The following MYO18B variants were observed in gnomAD, a reference collection of about 807,000 sequenced individuals.
MYO18B encodes the protein unconventional myosin-XVIIIb.
A neutral mutation model predicts 273.0 loss-of-function variants in MYO18B; 204 were observed. That is an observed-to-expected ratio of 0.75 (90% CI 0.67 to 0.84). MYO18B has a LOEUF of 0.84. Ranked by LOEUF, MYO18B falls within the 40% of genes least tolerant of loss-of-function variation. The pLI is 0.00. For missense variants in MYO18B, 3,212 were observed against 3,287.6 expected, an observed-to-expected ratio of 0.98 and a Z score of 0.56; for synonymous variants, 1,330 against 1,305.7, an observed-to-expected ratio of 1.02 and a Z score of -0.40.
chr22:25,984,803 GA>G (rs59242717), intron 39 of MYO18B, among the ~76,000 whole-genome samples: 203 of 143,688 alleles, frequency 1.4e-3, no homozygotes, highest in African/African-American at 2.9e-3. Context: ...CCATCTCTAA[GA>G]AAAAAAAAAA....
rs78831979 is a variant in MYO18B, at chr22:25,773,397, G to A, written c.1869+887G>A. Among the ~76,000 whole-genome samples the A allele has an allele frequency of 9.4e-3, 1,435 of 152,266 alleles. 27 individuals are homozygous for A. Among genetic ancestry groups the A allele is most frequent in the African/African-American group, 0.032 (1,349 of 41,566 alleles). On this transcript the variant is annotated intron_variant, in intron 7 of 43. Coordinates refer to ENST00000335473, the MANE Select transcript of MYO18B (RefSeq NM_032608.7). ...GGTTGGGAAAAACCAGGACAGAGCC[G>A]TGTCAGTTCTCAGGGTGATGATTCT...
intron 17 of MYO18B, among the ~76,000 whole-genome samples, chr22:25,840,351 T>C (rs975427819): frequency 5.9e-5 from 9 of 152,266 alleles, no homozygotes; most frequent in Non-Finnish European, 1.0e-4. Context: ...GGAGGGCCCT[T>C]CCGCCACATT....
intron 23 of MYO18B, 144 bp from the exon 24 acceptor site, chr22:25,876,038 GTGTGTGT>G: frequency 1.8e-6 from 1 of 555,526 alleles, no homozygotes; most frequent in East Asian, 3.2e-5. Context: ...GTGTGTGTGT[GTGTGTGT>G]ATGTGTTTTA....
chr22:26,024,365 G>A (rs894229038), intron 42 of MYO18B, among the ~76,000 whole-genome samples: 23 of 152,230 alleles, frequency 1.5e-4, no homozygotes, highest in African/African-American at 5.1e-4. Context: ...AGTAGAAGGA[G>A]TACTCCGGGT....
intron 8 of MYO18B, among the ~76,000 whole-genome samples, chr22:25,778,018 A>G (rs1569004449): frequency 6.6e-6 from 1 of 152,190 alleles, no homozygotes; most frequent in Non-Finnish European, 1.5e-5. Context: ...AACAATCATC[A>G]TACATGGACA....
At chr22:26,036,157 T>C in the MYO18B span, among the ~76,000 whole-genome samples, 36 of 152,318 alleles carry the variant, frequency 2.4e-4, 1 homozygote, top group South Asian at 7.1e-3. Flanking sequence ...TGGTTGTGAT[T>C]AATGGCCTGG....
At chr22:25,836,188 A>G (rs991076130) in intron 17 of MYO18B, among the ~76,000 whole-genome samples, 2 of 152,208 alleles carry the variant, frequency 1.3e-5, no homozygotes, top group Admixed American at 1.3e-4. Flanking sequence ...TTTGGTATCC[A>G]TGGGCTCCAA....
chr22:25,850,299 C>T (rs1286971525), intron 20 of MYO18B, among the ~76,000 whole-genome samples: 1 of 152,106 alleles, frequency 6.6e-6, no homozygotes, highest in Non-Finnish European at 1.5e-5. Context: ...AGAGTCTAAA[C>T]CTCGAGACCT....
intron 20 of MYO18B, among the ~76,000 whole-genome samples, chr22:25,848,048 T>A (rs2090312675): frequency 6.6e-6 from 1 of 152,132 alleles, no homozygotes; most frequent in South Asian, 2.1e-4. Flanking sequence ...TGGCTGCACC[T>A]GTTGAAAAAG....
chr22:26,015,752 A>C (rs1935271352), intron 42 of MYO18B, among the ~76,000 whole-genome samples: 1 of 152,208 alleles, frequency 6.6e-6, no homozygotes, highest in Non-Finnish European at 1.5e-5. Context: ...AACCCCTGTG[A>C]CATGAGTTTA....
At chr22:25,872,756 C>A (rs1160421383) in intron 22 of MYO18B, among the ~76,000 whole-genome samples, 1 of 152,136 alleles carries the variant, frequency 6.6e-6, no homozygotes. Flanking sequence ...GTTTTCCCTG[C>A]ATGTCGAGTG....
At chr22:26,051,939 G>T in the MYO18B span, among the ~76,000 whole-genome samples, 2 of 152,198 alleles carry the variant, frequency 1.3e-5, no homozygotes, top group Non-Finnish European at 2.9e-5. Flanking sequence ...ATATGCCATT[G>T]CATGAATATA....
chr22:25,861,550 G>T (rs920915268), intron 21 of MYO18B, among the ~76,000 whole-genome samples: 1 of 152,118 alleles, frequency 6.6e-6, no homozygotes, highest in South Asian at 2.1e-4. Context: ...GTATCTAACT[G>T]CATCTCTTAC....
chr22:25,803,669 A>T (rs1019742651), intron 12 of MYO18B, among the ~76,000 whole-genome samples: 1 of 152,146 alleles, frequency 6.6e-6, no homozygotes, highest in Non-Finnish European at 1.5e-5. Context: ...CACTTCCCGT[A>T]TCTAAGCCTC....
intron 17 of MYO18B, among the ~76,000 whole-genome samples, chr22:25,838,113 G>T (rs6519629): frequency 0.83 from 125,533 of 151,430 alleles, 52,258 homozygotes; most frequent in East Asian, 1. Context: ...TTAGGCCAAG[G>T]GCAATTCTTT....
intron 34 of MYO18B, among the ~76,000 whole-genome samples, chr22:25,931,083 C>G (rs2092492620): frequency 6.6e-6 from 1 of 152,110 alleles, no homozygotes. Context: ...ACATTTTTCC[C>G]CAGCCAGGAA....
intron 7 of MYO18B, among the ~76,000 whole-genome samples, chr22:25,773,593 A>G (rs1413727297): frequency 6.6e-6 from 1 of 152,044 alleles, no homozygotes; most frequent in African/African-American, 2.4e-5. Flanking sequence ...CCCCCCGAGT[A>G]GCTGGGACTA....
chr22:25,789,027 TCTTCTTTCTTC>T (rs998395895), intron 11 of MYO18B, among the ~76,000 whole-genome samples: 2 of 151,884 alleles, frequency 1.3e-5, no homozygotes, highest in African/African-American at 4.8e-5. Flanking sequence ...CCCTTCTTCT[TCTTCTTTCTTC>T]CTTCTTTCTT....
intron 12 of MYO18B, among the ~76,000 whole-genome samples, chr22:25,815,721 C>T (rs1476470368): frequency 1.3e-5 from 2 of 152,162 alleles, no homozygotes; most frequent in Non-Finnish European, 2.9e-5. Flanking sequence ...AGGCTCCCTT[C>T]CTCTTGTAAA....
Sources: allele counts gnomAD v4.1 joint callset (sites outside exome capture counted in the v4.1 genomes callset), GRCh38; gene constraint gnomAD v4.1.1; transcripts MANE v1.5; gene names NCBI Gene and HGNC (gene_info 2026-07-23, HGNC 2026-07-21).